Variants in RSPO2 observed in about 807,000 individuals in gnomAD.
RSPO2 encodes the protein R-spondin-2.
In RSPO2, 14 loss-of-function variants were observed where a neutral mutation model predicts 30.9. The observed-to-expected ratio is 0.45, with a 90% CI of 0.30 to 0.71. The LOEUF (loss-of-function observed/expected upper bound fraction) is 0.71. RSPO2 is among the 30% of genes least tolerant of loss of function. RSPO2 has a pLI of 0.08. For synonymous variants in RSPO2, 107 were observed against 96.4 expected (o/e 1.11, Z -0.64); for missense variants, 264 against 301.9 (o/e 0.87, Z 0.93).
rs1811415519 is a variant in RSPO2 at position 107,900,412 on chromosome 8, A to C, written c.*663T>G. On this transcript the variant is annotated 3_prime_UTR_variant, in exon 6 of 6. Coordinates refer to ENST00000276659, the MANE Select transcript of RSPO2 (RefSeq NM_178565.5). ...AAACTAGAAAAGTCATTTATCAGAC[A>C]ATGGGTTAGGAACCACTAGAAACAA... 1 of 152,612 alleles carries C rather than the reference A, an allele frequency of 6.6e-6. No homozygotes were observed. The allele number at this position is 152,612 out of a possible 1,614,324, so 9.5% of individuals were successfully genotyped here.
At chr8:108,070,663 C>T (rs1339980450) in intron 2 of RSPO2, among the ~76,000 whole-genome samples, 1 of 152,114 alleles carries the variant, frequency 6.6e-6, no homozygotes, top group Non-Finnish European at 1.5e-5. Flanking sequence ...TATTTAACTA[C>T]CTATTAGATA....
rs139442970 is a variant in RSPO2, at chr8:108,078,889, A to G, written c.94+3656T>C. On this transcript the variant is annotated intron_variant, in intron 2 of 5. Transcript: ENST00000276659. Reference sequence around the variant, plus strand: ...TTCATAAATCCCTGGTTAAAATACCACAAGGTATAAAAATAGAATGAGGGA... The same window carrying G: ...TTCATAAATCCCTGGTTAAAATACCGCAAGGTATAAAAATAGAATGAGGGA... 8.6e-3 allele frequency among the ~76,000 whole-genome samples: 1,306 copies of G among 152,366 alleles called. 13 individuals carry two copies. Among genetic ancestry groups the G allele is most frequent in the Non-Finnish European group, 0.014 (943 of 68,032 alleles).
intron 5 of RSPO2, among the ~76,000 whole-genome samples, chr8:107,938,760 A>G (rs184938328): frequency 9.8e-4 from 150 of 152,290 alleles, no homozygotes; most frequent in African/African-American, 3.1e-3. Flanking sequence ...ATGTTAGCAC[A>G]TGTTGGTGCC....
At chr8:107,978,897 A>C (rs1814316944) in intron 3 of RSPO2, among the ~76,000 whole-genome samples, 1 of 152,242 alleles carries the variant, frequency 6.6e-6, no homozygotes, top group Non-Finnish European at 1.5e-5. Flanking sequence ...TCTCAAAAGA[A>C]GACATTTATG....
intron 2 of RSPO2, among the ~76,000 whole-genome samples, chr8:108,039,280 C>A (rs773500944): frequency 1.3e-5 from 2 of 152,106 alleles, no homozygotes; most frequent in Non-Finnish European, 2.9e-5. Context: ...TGCAGCAATT[C>A]CTCACTACTT....
rs1256070281 is a variant in RSPO2, at chr8:108,058,998, G to C, written c.94+23547C>G. On this transcript the variant is annotated intron_variant, in intron 2 of 5. Transcript: ENST00000276659. ...GCAACAAAAGACAAAATTGACAAAT[G>C]GGATCTAATTAAACTCAAGAGCTTC... Among the ~76,000 whole-genome samples the C allele has an allele frequency of 2.2e-4, 34 of 151,778 alleles. 1 individual carries two copies. The highest frequency in any genetic ancestry group is 1.2e-3 in the Admixed American group (18 of 15,242).
intron 5 of RSPO2, among the ~76,000 whole-genome samples, chr8:107,945,143 G>T (rs1201684600): frequency 6.7e-6 from 1 of 148,930 alleles, no homozygotes; most frequent in Non-Finnish European, 1.5e-5. Flanking sequence ...TGTGAATTCT[G>T]TAAACCTCAA....
chr8:108,030,799 T>C (rs1386302774), intron 2 of RSPO2, among the ~76,000 whole-genome samples: 1 of 152,158 alleles, frequency 6.6e-6, no homozygotes, highest in Non-Finnish European at 1.5e-5. Context: ...GAAAAGCCAT[T>C]CCATTTTATG....
At chr8:108,033,219 A>G (rs1209172749) in intron 2 of RSPO2, among the ~76,000 whole-genome samples, 1 of 152,022 alleles carries the variant, frequency 6.6e-6, no homozygotes, top group African/African-American at 2.4e-5. Flanking sequence ...CTTATTGTAT[A>G]CTGCAGCAAA....
intron 2 of RSPO2, among the ~76,000 whole-genome samples, chr8:107,991,343 A>G (rs1207586052): frequency 6.6e-6 from 1 of 151,982 alleles, no homozygotes; most frequent in African/African-American, 2.4e-5. Flanking sequence ...ATAACTGGCT[A>G]GCTATATGCA....
At chr8:107,934,410 T>C (rs941521159) in intron 5 of RSPO2, among the ~76,000 whole-genome samples, 3 of 151,820 alleles carry the variant, frequency 2.0e-5, no homozygotes, top group African/African-American at 7.3e-5. Flanking sequence ...TTCACTCTTG[T>C]TGCCCAGGCT....
rs532400716 is a variant in RSPO2 at position 108,065,028 on chromosome 8, G to A, written c.94+17517C>T. 2.0e-5 allele frequency among the ~76,000 whole-genome samples: 3 copies of A among 152,054 alleles called. No individual in the cohort carries two copies. In the South Asian group the frequency reaches 6.2e-4, roughly 32 times the overall value. On this transcript the variant is annotated intron_variant, in intron 2 of 5. Transcript: ENST00000276659. Reference sequence around the variant, plus strand: ...ACACACCGGGGCCTGTTGTGGGGTGGGGAGAAGGGGGAGGGATAGCATTAG... The same window carrying A: ...ACACACCGGGGCCTGTTGTGGGGTGAGGAGAAGGGGGAGGGATAGCATTAG...
At chr8:108,016,193 G>A (rs60424541) in intron 2 of RSPO2, among the ~76,000 whole-genome samples, 4,443 of 152,240 alleles carry the variant, frequency 0.029, 212 homozygotes, top group African/African-American at 0.1. Context: ...GGCATATAGG[G>A]TCTCAAATAT....
chr8:107,994,682 C>T (rs1814955065), intron 2 of RSPO2, among the ~76,000 whole-genome samples: 1 of 152,020 alleles, frequency 6.6e-6, no homozygotes, highest in Non-Finnish European at 1.5e-5. Flanking sequence ...CAACAGAATA[C>T]ATGAGGCCAC....
intron 3 of RSPO2, chr8:107,983,224 G>C: frequency 6.3e-7 from 1 of 1,578,590 alleles, no homozygotes; most frequent in Non-Finnish European, 8.6e-7. Flanking sequence ...TCACAAAAAG[G>C]CTGCAGCGTA....
At chr8:107,916,511 T>A (rs1016058337) in intron 5 of RSPO2, among the ~76,000 whole-genome samples, 1 of 152,170 alleles carries the variant, frequency 6.6e-6, no homozygotes, top group Non-Finnish European at 1.5e-5. Context: ...GGAGAAACAG[T>A]TTTACATACA....
chr8:108,058,862 T>C (rs538779118), intron 2 of RSPO2, among the ~76,000 whole-genome samples: 43 of 151,232 alleles, frequency 2.8e-4, no homozygotes, highest in Admixed American at 2.8e-3. Flanking sequence ...ATGGATTAAG[T>C]ACTTAAACAT....
intron 3 of RSPO2, among the ~76,000 whole-genome samples, chr8:107,964,563 C>T (rs935637405): frequency 2.6e-5 from 4 of 152,110 alleles, no homozygotes; most frequent in Non-Finnish European, 5.9e-5. Flanking sequence ...AGCAGCACCA[C>T]AAGCCACCTA....
chr8:107,990,343 C>T (rs1459065648), intron 2 of RSPO2, among the ~76,000 whole-genome samples: 3 of 152,136 alleles, frequency 2.0e-5, no homozygotes, highest in African/African-American at 7.2e-5. Flanking sequence ...AAATGAGACG[C>T]AACTTCAGCA....
Sources: gnomAD v4.1 joint callset for allele counts (sites outside exome capture counted in the v4.1 genomes callset) on GRCh38, gnomAD v4.1.1 for gene constraint, MANE v1.5 for transcripts, NCBI Gene and HGNC (gene_info 2026-07-23, HGNC 2026-07-21) for gene names.